Variants in LPP observed in about 807,000 individuals in gnomAD.
LPP encodes the protein lipoma-preferred partner.
LPP carries 38 observed loss-of-function variants against 60.4 expected under a neutral mutation model. The ratio of observed to expected loss-of-function variants is 0.63; its 90% CI spans 0.49 to 0.83. The LOEUF is 0.83. LPP is among the 40% of genes least tolerant of loss of function. The pLI, the probability that LPP is intolerant of heterozygous loss-of-function variation, is 0.00. For synonymous variants in LPP, 328 were observed against 290.8 expected (o/e 1.13, Z -1.30); for missense variants, 902 against 783.6 (o/e 1.15, Z -1.80).
chr3:188,817,550 C>T (rs192679259), intron 9 of LPP, among the ~76,000 whole-genome samples: 4 of 152,304 alleles, frequency 2.6e-5, no homozygotes, highest in African/African-American at 9.6e-5. Context: ...CCTTCTTGCT[C>T]CTGGCAATTT....
chr3:188,767,023 A>G (rs975728511), intron 9 of LPP, among the ~76,000 whole-genome samples: 2 of 152,172 alleles, frequency 1.3e-5, no homozygotes, highest in African/African-American at 4.8e-5. Flanking sequence ...ATATTCTTGA[A>G]CCACTGAAAA....
rs76292490 is a variant in LPP, at chr3:188,812,353, C to T, written c.1410+52071C>T. 5.5e-3 allele frequency among the ~76,000 whole-genome samples: 840 copies of T among 152,212 alleles called. 6 individuals are homozygous for T. The highest frequency in any genetic ancestry group is 0.01 in the Non-Finnish European group (688 of 68,014). ...TCATGCAACCAAAGAATTCCAAAAA[C>T]GTATTTCTTGCAGCTAGCATAAATC... On this transcript the variant is annotated intron_variant, in intron 9 of 11. Transcript: ENST00000617246.
At position 188,447,338 on chromosome 3, in the gene LPP, G is replaced by A. The variant is rs531319947; in HGVS notation, c.194-37254G>A. 7.2e-4 allele frequency among the ~76,000 whole-genome samples: 110 copies of A among 152,236 alleles called. 1 individual carries two copies. In the South Asian group the frequency reaches 7.9e-3, roughly 11 times the overall value. On this transcript the variant is annotated intron_variant, in intron 4 of 11. Coordinates refer to ENST00000617246, the MANE Select transcript of LPP (RefSeq NM_001375462.1). ...AAGCAAAAGTGACTCTTGGCTGGGC[G>A]TGGTGGCTCACGCCTGTAATCCCAG... is the stretch of plus-strand genomic sequence containing the variant.
intron 2 of LPP, among the ~76,000 whole-genome samples, chr3:188,254,100 T>A (rs1216888273): frequency 1.3e-5 from 2 of 152,194 alleles, no homozygotes; most frequent in African/African-American, 4.8e-5. Flanking sequence ...ACTCAATAAG[T>A]GCCTCATGAA....
rs1770895996 is a variant in LPP, at chr3:188,888,216, G to C, written c.*13737G>C. ...AGGGCTTCTCTTTCTCTACAGCTAA[G>C]TAAGGGAATATGTGCAATTATGAGA... On this transcript the variant is annotated 3_prime_UTR_variant, in exon 12 of 12. Coordinates refer to ENST00000617246, the MANE Select transcript of LPP (RefSeq NM_001375462.1). 1 of 220,084 alleles carries C rather than the reference G, an allele frequency of 4.5e-6. No homozygotes were observed. Among genetic ancestry groups the C allele is most frequent in the Admixed American group, 5.8e-5 (1 of 17,350 alleles). 13.6% of individuals were successfully genotyped at this position (220,084 alleles called of 1,614,324 possible).
chr3:188,442,313 C>A (rs1232760601), intron 4 of LPP, among the ~76,000 whole-genome samples: 1 of 152,140 alleles, frequency 6.6e-6, no homozygotes, highest in Non-Finnish European at 1.5e-5. Flanking sequence ...GTGATGTTCC[C>A]TTCCCCGTGT....
chr3:188,732,529 G>C (rs950002040), intron 8 of LPP, among the ~76,000 whole-genome samples: 1 of 151,668 alleles, frequency 6.6e-6, no homozygotes, highest in Non-Finnish European at 1.5e-5. Flanking sequence ...AGGCCGAGGC[G>C]GGTCACGGTG....
At chr3:188,621,948 C>T (rs1180982247) in intron 7 of LPP, among the ~76,000 whole-genome samples, 7 of 152,196 alleles carry the variant, frequency 4.6e-5, no homozygotes, top group Non-Finnish European at 8.8e-5. Context: ...GCTGGGATTA[C>T]ACCACTATTT....
intron 5 of LPP, among the ~76,000 whole-genome samples, chr3:188,501,322 A>G (rs1174433790): frequency 6.6e-6 from 1 of 152,146 alleles, no homozygotes; most frequent in African/African-American, 2.4e-5. Context: ...TTTGTTAAAG[A>G]GCATATTATT....
chr3:188,183,848 C>T (rs368830761), intron 1 of LPP, among the ~76,000 whole-genome samples: 24 of 152,056 alleles, frequency 1.6e-4, no homozygotes, highest in African/African-American at 5.6e-4. Context: ...CCTTAATTGT[C>T]GTACTACACT....
At chr3:188,703,007 C>G (rs1864792544) in intron 7 of LPP, among the ~76,000 whole-genome samples, 1 of 152,148 alleles carries the variant, frequency 6.6e-6, no homozygotes, top group Non-Finnish European at 1.5e-5. Context: ...AGGTTGCTCA[C>G]TTATCTTCTT....
rs186019949 is a variant in LPP at position 188,506,824 on chromosome 3, G to A, written c.307-17841G>A. Among the ~76,000 whole-genome samples the A allele has an allele frequency of 4.6e-5, 7 of 152,158 alleles. No individual in the cohort carries two copies. In the East Asian group the frequency reaches 5.8e-4, roughly 13 times the overall value. ...TTCATTTTATTTTTTTTGAGATGGA[G>A]TCTTGCTCTGTTGCCCAGGCTGGAG... On this transcript the variant is annotated intron_variant, in intron 5 of 11. Coordinates refer to ENST00000617246, the MANE Select transcript of LPP (RefSeq NM_001375462.1).
chr3:188,712,295 T>C (rs1423131395), intron 8 of LPP: 2 of 152,258 alleles, frequency 1.3e-5, no homozygotes, highest in African/African-American at 4.8e-5. Flanking sequence ...CTCAAGCACC[T>C]TCTCTGTGCC....
intron 4 of LPP, among the ~76,000 whole-genome samples, chr3:188,463,197 A>G (rs2149454153): frequency 6.6e-6 from 1 of 152,080 alleles, no homozygotes; most frequent in South Asian, 2.1e-4. Context: ...GTGTATGTGT[A>G]TGTGTGTTTT....
chr3:188,542,542 G>A (rs539506986), intron 6 of LPP, among the ~76,000 whole-genome samples: 1 of 152,244 alleles, frequency 6.6e-6, no homozygotes, highest in East Asian at 1.9e-4. Flanking sequence ...AAACAATTAA[G>A]AAGCTTGTCA....
At chr3:188,489,167 G>C (rs1031634230) in intron 5 of LPP, among the ~76,000 whole-genome samples, 1 of 152,186 alleles carries the variant, frequency 6.6e-6, no homozygotes, top group Non-Finnish European at 1.5e-5. Context: ...GGGTAATTAT[G>C]ATAGGTGAGG....
At chr3:188,231,402 C>G (rs1719910169) in intron 2 of LPP, among the ~76,000 whole-genome samples, 1 of 152,132 alleles carries the variant, frequency 6.6e-6, no homozygotes, top group Admixed American at 6.5e-5. Flanking sequence ...GGGGAAAACT[C>G]CATTTAAAAC....
chr3:188,453,921 T>A (rs1192271008), intron 4 of LPP, among the ~76,000 whole-genome samples: 1 of 152,154 alleles, frequency 6.6e-6, no homozygotes, highest in Non-Finnish European at 1.5e-5. Flanking sequence ...TAAAATGCCA[T>A]ACTCTTTTTA....
In LPP at chr3:188,660,724, TACAA is replaced by T. The variant is rs372751379; in HGVS notation, c.1114-47542_1114-47539del. Among the ~76,000 whole-genome samples the T allele has an allele frequency of 6.7e-4, 101 of 151,812 alleles. No homozygotes were observed. In the South Asian group the frequency reaches 8.1e-3, roughly 12 times the overall value. ...GTTCACAGTCAAACTGAGCAGAAAA[TACAA>T]GCAAGTTCCCATATACCCCCATCCC... On this transcript the variant is annotated intron_variant, in intron 7 of 11. Coordinates refer to ENST00000617246, the MANE Select transcript of LPP (RefSeq NM_001375462.1).
Sources: gnomAD v4.1 joint callset for allele counts (sites outside exome capture counted in the v4.1 genomes callset) on GRCh38, gnomAD v4.1.1 for gene constraint, MANE v1.5 for transcripts, NCBI Gene and HGNC (gene_info 2026-07-23, HGNC 2026-07-21) for gene names.